GNPTG: variants seen among roughly 807,000 people sequenced by gnomAD.
GNPTG encodes N-acetylglucosamine-1-phosphotransferase subunit gamma.
GNPTG carries 46 observed loss-of-function variants against 43.8 expected under a neutral mutation model. The observed-to-expected ratio is 1.05, with a 90% confidence interval of 0.83 to 1.34. The LOEUF is 1.34. Among genes scored for constraint, GNPTG ranks in the 40% most tolerant of loss-of-function variants. GNPTG has a pLI of 0.00. For synonymous variants in GNPTG, 250 were observed against 172.8 expected, an observed-to-expected ratio of 1.45 and a Z score of -3.50; for missense variants, 549 against 411.3, an observed-to-expected ratio of 1.33 and a Z score of -2.90.
chr16:1,363,104 A>C lies in GNPTG; in HGVS notation c.*13A>C. On this transcript the variant is annotated 3_prime_UTR_variant, in exon 11 of 11. Coordinates refer to ENST00000204679, the MANE Select transcript of GNPTG (RefSeq NM_032520.5). Reference sequence around the variant, plus strand: ...TGGGAGTTTGTGACCTTGTGGTGGGAGAGCAGAGGTGGACGCGGCCGAGAG... The same window carrying C: ...TGGGAGTTTGTGACCTTGTGGTGGGCGAGCAGAGGTGGACGCGGCCGAGAG... 1 of 1,612,620 alleles carries C rather than the reference A, an allele frequency of 6.2e-7. No individual in the cohort carries two copies. Among genetic ancestry groups the C allele is most frequent in the Non-Finnish European group, 8.5e-7 (1 of 1,179,288 alleles).
At chr16:1,359,706 A>G (rs1025549917) in intron 3 of GNPTG, among the ~76,000 whole-genome samples, 14 of 152,194 alleles carry the variant, frequency 9.2e-5, no homozygotes, top group Admixed American at 7.9e-4. Flanking sequence ...GAGACTCCCT[A>G]TGAACTTTAG....
chr16:1,357,232 C>T (rs549907618), intron 3 of GNPTG, among the ~76,000 whole-genome samples: 2 of 152,278 alleles, frequency 1.3e-5, no homozygotes, highest in Admixed American at 1.3e-4. Context: ...ATCCACAGCC[C>T]CTGTCCCCTG....
At chr16:1,355,187 C>G (rs529495715) in intron 3 of GNPTG, among the ~76,000 whole-genome samples, 1 of 152,202 alleles carries the variant, frequency 6.6e-6, no homozygotes, top group East Asian at 1.9e-4. Context: ...GGATCGTCTC[C>G]CGCGTCTGTG....
chr16:1,362,424 CTGAGCCTGGCTT>C lies in GNPTG; in HGVS notation c.527-27_527-16del. On this transcript the variant is annotated splice_polypyrimidine_tract_variant and intron_variant, in intron 7 of 10. Coordinates refer to ENST00000204679, the MANE Select transcript of GNPTG (RefSeq NM_032520.5). ...GCCAGGGTTGGGACATGGGGTGCAGCTGAGCCTGGCTTCTCTTGGGTCCTCAGTGTACCCAAC... is the reference window on the plus strand; with the variant it reads ...GCCAGGGTTGGGACATGGGGTGCAGCCTCTTGGGTCCTCAGTGTACCCAAC... 1 of 1,613,016 alleles carries C rather than the reference CTGAGCCTGGCTT, an allele frequency of 6.2e-7. No homozygotes were observed. The highest frequency in any genetic ancestry group is 2.2e-5 in the East Asian group (1 of 44,876).
At chr16:1,354,585 C>CAAAAAAAAAAAAAAAAAAAAAAA (rs869067502) in intron 3 of GNPTG, among the ~76,000 whole-genome samples, 4 of 44,362 alleles carry the variant, frequency 9.0e-5, no homozygotes, top group Non-Finnish European at 1.2e-4. Flanking sequence ...GACTTCGTCT[C>CAAAAAAAAAAAAAAAAAAAAAAA]AAAAAAAAAA....
At chr16:1,361,650 AAAG>A in intron 3 of GNPTG, 90 bp from the exon 4 acceptor site, 2 of 1,412,386 alleles carry the variant, frequency 1.4e-6, no homozygotes, top group East Asian at 2.4e-5. Context: ...TCTCAAAAAA[AAAG>A]AAAACTGGTC....
chr16:1,360,568 G>A (rs963366386), intron 3 of GNPTG: 1 of 152,350 alleles, frequency 6.6e-6, no homozygotes, highest in African/African-American at 2.4e-5. Flanking sequence ...AGGTTGCAGT[G>A]AGCCGAGATC....
intron 3 of GNPTG, among the ~76,000 whole-genome samples, chr16:1,354,837 T>C (rs1332027589): frequency 6.6e-6 from 1 of 152,178 alleles, no homozygotes; most frequent in African/African-American, 2.4e-5. Context: ...TTCCTGCGCC[T>C]GTGGGGTCAG....
intron 3 of GNPTG, among the ~76,000 whole-genome samples, chr16:1,355,572 G>C (rs889745330): frequency 6.6e-6 from 1 of 152,160 alleles, no homozygotes; most frequent in African/African-American, 2.4e-5. Context: ...TGGTAGGTCT[G>C]TGATTTGGAG....
In GNPTG at chr16:1,363,099, G is replaced by C. The variant is rs1397441435; in HGVS notation, c.*8G>C. 2 of 1,613,268 alleles carry C rather than the reference G, an allele frequency of 1.2e-6. No homozygotes were observed. Among genetic ancestry groups the C allele is most frequent in the East Asian group, 4.5e-5 (2 of 44,860 alleles). On this transcript the variant is annotated 3_prime_UTR_variant, in exon 11 of 11. Coordinates refer to ENST00000204679, the MANE Select transcript of GNPTG (RefSeq NM_032520.5). ...CTGCGTGGGAGTTTGTGACCTTGTG[G>C]TGGGAGAGCAGAGGTGGACGCGGCC... is the stretch of plus-strand genomic sequence containing the variant.
intron 3 of GNPTG, chr16:1,359,014 A>G (rs2034825750): frequency 6.6e-6 from 1 of 151,498 alleles, no homozygotes; most frequent in African/African-American, 2.4e-5. Context: ...GGCGTGAGCC[A>G]CCACACCTGG....
chr16:1,362,569 T>C (rs773725307), intron 8 of GNPTG, 35 bp downstream of exon 8: 6 of 1,614,138 alleles, frequency 3.7e-6, no homozygotes, highest in East Asian at 4.5e-5. Context: ...CTGGTGGGCC[T>C]GGCTGGGAGC....
At chr16:1,352,895 T>C (rs1168741196) in intron 3 of GNPTG, among the ~76,000 whole-genome samples, 3 of 152,092 alleles carry the variant, frequency 2.0e-5, no homozygotes, top group Admixed American at 6.5e-5. Flanking sequence ...AGAAGTGGAA[T>C]TGGTGGGTCA....
chr16:1,363,113 G>A lies in GNPTG; in HGVS notation c.*22G>A. On this transcript the variant is annotated 3_prime_UTR_variant, in exon 11 of 11. Transcript: ENST00000204679. ...GTGACCTTGTGGTGGGAGAGCAGAG[G>A]TGGACGCGGCCGAGAGCCCTACAGA... The A allele has an allele frequency of 3.1e-6, 5 of 1,609,532 alleles. No individual in the cohort carries two copies. The highest frequency in any genetic ancestry group is 1.3e-5 in the African/African-American group (1 of 74,938).
intron 3 of GNPTG, among the ~76,000 whole-genome samples, chr16:1,360,363 A>G (rs1266222254): frequency 6.6e-6 from 1 of 152,056 alleles, no homozygotes; most frequent in Non-Finnish European, 1.5e-5. Flanking sequence ...AGTGGCTCAC[A>G]CCTGTAATCC....
chr16:1,355,063 G>A lies in GNPTG; in HGVS notation c.178+2757G>A, dbSNP rs555218658. ...GGGTCGGGTGTGGATGGTCTGCCGC[G>A]TCTGCGGGGTCGGGTGTGGATGGTC... On this transcript the variant is annotated intron_variant, in intron 3 of 10. Transcript: ENST00000204679. Among the ~76,000 whole-genome samples the A allele has an allele frequency of 5.3e-5, 8 of 151,568 alleles. No homozygotes were observed. In the South Asian group the frequency reaches 1.3e-3, roughly 24 times the overall value.
chr16:1,355,077 G>T (rs886730798), intron 3 of GNPTG, among the ~76,000 whole-genome samples: 2 of 152,148 alleles, frequency 1.3e-5, no homozygotes, highest in Non-Finnish European at 2.9e-5. Flanking sequence ...GCGGGGTCGG[G>T]TGTGGATGGT....
chr16:1,354,203 C>T (rs368891667), intron 3 of GNPTG, among the ~76,000 whole-genome samples: 13 of 152,076 alleles, frequency 8.5e-5, no homozygotes, highest in Non-Finnish European at 1.6e-4. Context: ...TGTGTAACAG[C>T]GCAGTTCCCG....
At position 1,363,105 on chromosome 16, in the gene GNPTG, G is replaced by C. The variant is rs1313519959; in HGVS notation, c.*14G>C. ...GGGAGTTTGTGACCTTGTGGTGGGA[G>C]AGCAGAGGTGGACGCGGCCGAGAGC... On this transcript the variant is annotated 3_prime_UTR_variant, in exon 11 of 11. Coordinates refer to ENST00000204679, the MANE Select transcript of GNPTG (RefSeq NM_032520.5). 5 of 1,612,178 alleles carry C rather than the reference G, an allele frequency of 3.1e-6. No homozygotes were observed. In the African/African-American group the frequency reaches 4.0e-5, roughly 13 times the overall value.
Sources: gnomAD v4.1 joint callset for allele counts (sites outside exome capture counted in the v4.1 genomes callset) on GRCh38, gnomAD v4.1.1 for gene constraint, MANE v1.5 for transcripts, NCBI Gene and HGNC (gene_info 2026-07-23, HGNC 2026-07-21) for gene names.